The following RBM38 variants were observed in gnomAD, a reference collection of about 807,000 sequenced individuals.
RBM38 encodes the protein RNA-binding protein 38.
A neutral mutation model predicts 23.5 loss-of-function variants in RBM38; 11 were observed. That is an observed-to-expected ratio of 0.47 (90% CI 0.29 to 0.77). RBM38 has a LOEUF of 0.77. RBM38 is among the 30% of genes least tolerant of loss of function. RBM38 has a pLI of 0.08. For synonymous variants in RBM38, 165 were observed against 166.1 expected, an observed-to-expected ratio of 0.99 and a Z score of 0.05; for missense variants, 330 against 351.9, an observed-to-expected ratio of 0.94 and a Z score of 0.50.
At chr20:57,400,838 A>AGGAAACT in intron 3 of RBM38, among the ~76,000 whole-genome samples, 1 of 152,202 alleles carries the variant, frequency 6.6e-6, no homozygotes, top group South Asian at 2.1e-4. Flanking sequence ...GGAACTTGGA[A>AGGAAACT]GGAAACTGGA....
Position 57,408,709 on chromosome 20 carries a change from G to T in RBM38, c.*863G>T, listed in dbSNP as rs2067414485. On this transcript the variant is annotated 3_prime_UTR_variant, in exon 4 of 4. Coordinates refer to ENST00000356208, the MANE Select transcript of RBM38 (RefSeq NM_017495.6). ...TCCTCTCGGTGGGATGGGCACCACA[G>T]ACAGGAGGCCCCTCAGGCCCGTGCG... The T allele has an allele frequency of 6.6e-6, 1 of 151,548 alleles. No individual in the cohort carries two copies. The highest frequency in any genetic ancestry group is 2.1e-4 in the South Asian group (1 of 4,768). The allele number at this position is 151,548 out of a possible 1,614,324, so 9.4% of individuals were successfully genotyped here.
Position 57,409,313 on chromosome 20 carries a change from CTTG to C in RBM38, c.*1470_*1472del, listed in dbSNP as rs1247396529. 6.6e-6 allele frequency: 1 copy of C among 152,384 alleles called. No homozygotes were observed. The highest frequency in any genetic ancestry group is 1.5e-5 in the Non-Finnish European group (1 of 68,038). 9.4% of individuals were successfully genotyped at this position (152,384 alleles called of 1,614,324 possible). ...GAATGTTCTGATGATAAAAATAAAA[CTTG>C]TTTTCTTTAAAGAAAAAGTTGATCT... On this transcript the variant is annotated 3_prime_UTR_variant, in exon 4 of 4. Transcript: ENST00000356208.
chr20:57,393,874 C>T (rs2067246375), intron 3 of RBM38, among the ~76,000 whole-genome samples: 1 of 152,102 alleles, frequency 6.6e-6, no homozygotes, highest in Non-Finnish European at 1.5e-5. Context: ...GGCCTATGGG[C>T]TTCTAGTCTG....
rs1185924779 is a variant in RBM38, at chr20:57,392,794, TC to T, written c.361+19del. The T allele has an allele frequency of 1.9e-6, 3 of 1,609,308 alleles. No homozygotes were observed. Among genetic ancestry groups the T allele is most frequent in the African/African-American group, 1.3e-5 (1 of 74,350 alleles). The stretch of plus-strand genomic sequence containing the variant: ...TCCAGACGGGTGAGAGCTTGTGTTT[TC>T]CTGCCTGGCTCTTCTCGGTTTCTAT... On this transcript the variant is annotated intron_variant, in intron 2 of 3. Transcript: ENST00000356208.
At chr20:57,392,345 C>T in intron 1 of RBM38, 1 of 1,309,458 alleles carries the variant, frequency 7.6e-7, no homozygotes, top group Non-Finnish European at 1.0e-6. Flanking sequence ...TGGGCAAGTC[C>T]AGGCGGCCCC....
At chr20:57,395,874 C>T (rs2067270027) in intron 3 of RBM38, among the ~76,000 whole-genome samples, 1 of 152,212 alleles carries the variant, frequency 6.6e-6, no homozygotes, top group African/African-American at 2.4e-5. Context: ...GTTTTGTCGG[C>T]CTTGGGCTGG....
intron 3 of RBM38, among the ~76,000 whole-genome samples, chr20:57,396,110 A>G (rs992173334): frequency 1.3e-5 from 2 of 152,204 alleles, no homozygotes; most frequent in African/African-American, 2.4e-5. Context: ...CTTAAATGTT[A>G]GTTTAGAATG....
At chr20:57,398,249 C>CGTGTGTGTGTGTGTGT (rs3067272) in intron 3 of RBM38, among the ~76,000 whole-genome samples, 1 of 149,020 alleles carries the variant, frequency 6.7e-6, no homozygotes, top group Non-Finnish European at 1.5e-5. Context: ...CAGGTGATGG[C>CGTGTGTGTGTGTGTGT]GTGTGTGTGT....
At chr20:57,398,722 T>C (rs976901288) in intron 3 of RBM38, among the ~76,000 whole-genome samples, 2 of 152,222 alleles carry the variant, frequency 1.3e-5, no homozygotes, top group Non-Finnish European at 2.9e-5. Context: ...GTTCTCACCC[T>C]GGCTCGCTGC....
chr20:57,393,443 G>A, intron 3 of RBM38, 110 bp downstream of exon 3: 1 of 1,222,970 alleles, frequency 8.2e-7, no homozygotes. Context: ...TCAGACATTT[G>A]ATTGCGTTTA....
rs1044300454 is a variant in RBM38 at position 57,402,873 on chromosome 20, C to T, written c.417-4670C>T. Among the ~76,000 whole-genome samples, 3 of 152,376 alleles carry T rather than the reference C, an allele frequency of 2.0e-5. No individual in the cohort carries two copies. In the East Asian group the frequency reaches 5.8e-4, roughly 29 times the overall value. ...ACCTGCCTTCTTTGTGGCCGCCCGG[C>T]GTGGGCACCTGTGGTCAGAGCAGCA... On this transcript the variant is annotated intron_variant, in intron 3 of 3. Coordinates refer to ENST00000356208, the MANE Select transcript of RBM38 (RefSeq NM_017495.6).
intron 3 of RBM38, among the ~76,000 whole-genome samples, chr20:57,397,236 G>A (rs1015394550): frequency 6.6e-6 from 1 of 152,208 alleles, no homozygotes; most frequent in Non-Finnish European, 1.5e-5. Flanking sequence ...ATCTCTTGCC[G>A]GCCCTGCTTC....
In RBM38 at chr20:57,407,092, G is replaced by A. The variant is rs1311739836; in HGVS notation, c.417-451G>A. Among the ~76,000 whole-genome samples the A allele has an allele frequency of 6.6e-6, 1 of 152,094 alleles. No homozygotes were observed. Among genetic ancestry groups the A allele is most frequent in the Non-Finnish European group, 1.5e-5 (1 of 68,004 alleles). ...TGTGCAGTGTCACTTGGTGGGTGTTGAGTGTCAGGGAGATGAGCAGGGAAG... is the reference window on the plus strand; with the variant it reads ...TGTGCAGTGTCACTTGGTGGGTGTTAAGTGTCAGGGAGATGAGCAGGGAAG... On this transcript the variant is annotated intron_variant, in intron 3 of 3. Coordinates refer to ENST00000356208, the MANE Select transcript of RBM38 (RefSeq NM_017495.6). This position sits in a 1 kb window ranked among gnomAD's most constrained non-coding sequence, Gnocchi z 4.0.
At chr20:57,400,147 CAG>C (rs1407163326) in intron 3 of RBM38, among the ~76,000 whole-genome samples, 1 of 152,180 alleles carries the variant, frequency 6.6e-6, no homozygotes, top group Non-Finnish European at 1.5e-5. Context: ...GATGGGGAAA[CAG>C]AGGCCGGAGG....
intron 3 of RBM38, chr20:57,400,047 G>A (rs963089275): frequency 8.8e-6 from 4 of 452,244 alleles, no homozygotes; most frequent in South Asian, 4.7e-5. Flanking sequence ...TCTCTCTCCC[G>A]CCCACCACGG....
In RBM38 at chr20:57,407,761, C is replaced by T. The variant is rs1065290; in HGVS notation, c.635C>T (p.Pro212Leu). 1 of 1,609,850 alleles carries T rather than the reference C, an allele frequency of 6.2e-7. No homozygotes were observed. The highest frequency in any genetic ancestry group is 1.3e-5 in the African/African-American group (1 of 74,908). ...GGCTACAGCTACCCTGCCGCCGTGC[C>T]CCAGGCCCTCTCAGCCGCAGCACCC... ...FVGYSYPAAV[P>L]QALSAAAPAG... The change falls in exon 4 of 4, where the codon CCC (proline) becomes CTC (leucine). Residue 212 changes from proline (P) to leucine (L), a missense_variant. Physicochemically the swap from Pro to Leu is moderately conservative, Grantham distance 98. This residue lies in a region of RBM38 where 227 missense variants were observed against 216.4 expected (regional missense o/e 1.05). Coordinates refer to ENST00000356208, the MANE Select transcript of RBM38 (RefSeq NM_017495.6). This position sits in a 1 kb window ranked among gnomAD's most constrained non-coding sequence, Gnocchi z 4.0.
In RBM38 at chr20:57,400,380, G is replaced by A. The variant is rs117055387; in HGVS notation, c.416+7047G>A. Among the ~76,000 whole-genome samples, 996 of 152,276 alleles carry A rather than the reference G, an allele frequency of 6.5e-3. 13 individuals are homozygous for A. The highest frequency in any genetic ancestry group is 0.018 in the African/African-American group (730 of 41,560). ...ATTTCCAGTCTGGACCAGGCTCGGG[G>A]TCCCCCTGTCCTCTCCTGGGCTGTG... On this transcript the variant is annotated intron_variant, in intron 3 of 3. Transcript: ENST00000356208.
At position 57,405,840 on chromosome 20, in the gene RBM38, G is replaced by A. The variant is rs183152379; in HGVS notation, c.417-1703G>A. Among the ~76,000 whole-genome samples the A allele has an allele frequency of 1.9e-3, 295 of 152,306 alleles. 1 individual carries two copies. The highest frequency in any genetic ancestry group is 3.5e-3 in the Non-Finnish European group (236 of 68,014). Reference sequence around the variant, plus strand: ...TCGCAGGGCTCCTCTCTGACACTGAGGGTCCCTGGCTCTGGGGAGGGAGCA... The same window carrying A: ...TCGCAGGGCTCCTCTCTGACACTGAAGGTCCCTGGCTCTGGGGAGGGAGCA... On this transcript the variant is annotated intron_variant, in intron 3 of 3. Transcript: ENST00000356208.
chr20:57,400,919 G>T (rs952314562), intron 3 of RBM38, among the ~76,000 whole-genome samples: 1 of 152,176 alleles, frequency 6.6e-6, no homozygotes, highest in Admixed American at 6.5e-5. Flanking sequence ...TGGGGAGCGC[G>T]TGGGACTCCA....
Sources: allele counts gnomAD v4.1 joint callset (sites outside exome capture counted in the v4.1 genomes callset), GRCh38; gene constraint gnomAD v4.1.1; regional missense constraint gnomAD v4.1.1; non-coding constraint Gnocchi (gnomAD v3.1); transcripts MANE v1.5; gene names NCBI Gene and HGNC (gene_info 2026-07-23, HGNC 2026-07-21).